SH3KBP1: variants seen among roughly 807,000 people sequenced by gnomAD.
The protein encoded by SH3KBP1 is SH3 domain-containing kinase-binding protein 1.
A neutral mutation model predicts 50.1 loss-of-function variants in SH3KBP1; 8 were observed. The observed-to-expected ratio is 0.16, with a 90% CI of 0.09 to 0.29. The LOEUF is 0.29. Among genes scored for constraint, SH3KBP1 ranks in the 10% least tolerant of loss-of-function variants. The pLI is 1.00. For missense variants in SH3KBP1, 377 were observed against 535.2 expected (o/e 0.70, Z 2.92); for synonymous variants, 227 against 218.6 (o/e 1.04, Z -0.34).
At chrX:19,815,274 T>C (rs753485584) in intron 2 of SH3KBP1, among the ~76,000 whole-genome samples, 1 of 111,588 alleles carries the variant, frequency 9.0e-6, no homozygotes, top group South Asian at 3.8e-4. Context: ...GCGATACTTG[T>C]GTGCTGCCAA....
At chrX:19,638,082 C>T (rs2061752630) in intron 7 of SH3KBP1, among the ~76,000 whole-genome samples, 1 of 102,102 alleles carries the variant, frequency 9.8e-6, no homozygotes, top group African/African-American at 3.7e-5. Context: ...ATCTCCAAAA[C>T]AAAACAAAAC....
intron 5 of SH3KBP1, among the ~76,000 whole-genome samples, chrX:19,686,548 T>C (rs772359543): frequency 1.2e-3 from 135 of 111,036 alleles, no homozygotes; most frequent in African/African-American, 3.8e-3. Context: ...CTTCCAGACA[T>C]GTGGCTGGTG....
intron 2 of SH3KBP1, among the ~76,000 whole-genome samples, chrX:19,763,113 C>T (rs2065482189): frequency 9.0e-6 from 1 of 111,671 alleles, no homozygotes; most frequent in Non-Finnish European, 1.9e-5. Flanking sequence ...CGATTACAAA[C>T]AACACTACAT....
chrX:19,648,804 ACCT>A lies in SH3KBP1; in HGVS notation c.727-3332_727-3330del, dbSNP rs953578647. 2.7e-5 allele frequency among the ~76,000 whole-genome samples: 3 copies of A among 110,874 alleles called. 1 individual carries two copies. The highest frequency in any genetic ancestry group is 3.3e-5 in the African/African-American group (1 of 30,500). ...CCTTTCCAAACATCCCTAGTTGAGA[ACCT>A]CTAGCCCCCGCCCTTCCCTACATAC... is the stretch of plus-strand genomic sequence containing the variant. On this transcript the variant is annotated intron_variant, in intron 6 of 17. Transcript: ENST00000397821.
At chrX:19,574,720 A>T (rs911875676) in intron 12 of SH3KBP1, among the ~76,000 whole-genome samples, 4 of 112,062 alleles carry the variant, frequency 3.6e-5, no homozygotes, top group African/African-American at 1.3e-4. Context: ...TGGGAGGGGG[A>T]GGTATAAACA....
intron 8 of SH3KBP1, among the ~76,000 whole-genome samples, chrX:19,613,232 C>T (rs1377647968): frequency 8.9e-6 from 1 of 112,213 alleles, no homozygotes; most frequent in Non-Finnish European, 1.9e-5. Flanking sequence ...AATTTGTTTC[C>T]AAATCTGGGG....
intron 14 of SH3KBP1, 71 bp downstream of exon 14, chrX:19,549,903 A>G: frequency 1.3e-6 from 1 of 797,942 alleles, no homozygotes; most frequent in Non-Finnish European, 1.8e-6. Context: ...GTCCTTAGCT[A>G]GAGTTTCTAA....
chrX:19,724,470 G>C (rs975380341), intron 3 of SH3KBP1, among the ~76,000 whole-genome samples: 1 of 112,179 alleles, frequency 8.9e-6, no homozygotes, highest in Non-Finnish European at 1.9e-5. Flanking sequence ...ATGGTCTGCC[G>C]CAGAGATCAG....
intron 5 of SH3KBP1, among the ~76,000 whole-genome samples, chrX:19,688,080 A>T (rs920421609): frequency 2.7e-5 from 3 of 112,461 alleles, no homozygotes; most frequent in Non-Finnish European, 3.8e-5. Flanking sequence ...TGTACAGCAC[A>T]AGCTTCTCTT....
rs186678708 is a variant in SH3KBP1 at position 19,664,189 on chromosome X, C to T, written c.727-18714G>A. 1.8e-3 allele frequency among the ~76,000 whole-genome samples: 205 copies of T among 111,685 alleles called. 2 individuals are homozygous for T. Among genetic ancestry groups the T allele is most frequent in the African/African-American group, 6.1e-3 (189 of 30,756 alleles). On this transcript the variant is annotated intron_variant, in intron 6 of 17. Coordinates refer to ENST00000397821, the MANE Select transcript of SH3KBP1 (RefSeq NM_031892.3). ...ACATAATATATCTCCTCATGGACTC[C>T]GTTTACTTGTCTCTCTCTACTGCAA...
At chrX:19,583,849 CAT>C (rs2066460804) in intron 12 of SH3KBP1, among the ~76,000 whole-genome samples, 1 of 100,295 alleles carries the variant, frequency 1.0e-5, no homozygotes, top group African/African-American at 3.6e-5. Context: ...TTTATTAACA[CAT>C]ATGTATATAT....
At chrX:19,546,616 C>G (rs2065090858) in intron 14 of SH3KBP1, among the ~76,000 whole-genome samples, 1 of 112,303 alleles carries the variant, frequency 8.9e-6, no homozygotes, top group African/African-American at 3.2e-5. Flanking sequence ...GCTCACCAGG[C>G]TTGTGGTCCA....
intron 1 of SH3KBP1, among the ~76,000 whole-genome samples, chrX:19,849,945 A>G (rs1468004756): frequency 9.0e-6 from 1 of 111,305 alleles, no homozygotes; most frequent in Non-Finnish European, 1.9e-5. Flanking sequence ...AATGCTCTAC[A>G]TGTGCAAGTA....
At chrX:19,775,976 A>C (rs947462814) in intron 2 of SH3KBP1, among the ~76,000 whole-genome samples, 6 of 111,173 alleles carry the variant, frequency 5.4e-5, no homozygotes, top group African/African-American at 2.0e-4. Context: ...AATTGCCAAG[A>C]ATAAGATGTT....
rs1228480962 is a variant in SH3KBP1 at position 19,670,978 on chromosome X, T to C, written c.726+12845A>G. 2.8e-6 allele frequency: 3 copies of C among 1,090,362 alleles called. No individual in the cohort carries two copies. The South Asian group carries it at 7.9e-5, about 29-fold the overall frequency. 89.9% of individuals were successfully genotyped at this position (1,090,362 alleles called of 1,213,427 possible). A position where few individuals can be genotyped will look rare whatever the true frequency, so the allele number is the denominator to read the frequency against. On this transcript the variant is annotated intron_variant, in intron 6 of 17. Transcript: ENST00000397821. The stretch of plus-strand genomic sequence containing the variant: ...GGAGCCTGAGGACCCAGCCTAACCC[T>C]GAGTCATACTTGGGACCAAATGAGG...
intron 5 of SH3KBP1, among the ~76,000 whole-genome samples, chrX:19,692,690 T>TA (rs1491492347): frequency 0.038 from 3,117 of 81,482 alleles, 96 homozygotes; most frequent in Admixed American, 0.084. Context: ...TATATATATA[T>TA]TTTTTTTTTT....
intron 9 of SH3KBP1, among the ~76,000 whole-genome samples, chrX:19,596,411 T>C (rs1009484823): frequency 8.9e-6 from 1 of 111,904 alleles, no homozygotes; most frequent in Non-Finnish European, 1.9e-5. Context: ...CTTCAGCGAG[T>C]TGTAAACTTT....
At chrX:19,658,383 C>T (rs1031838881) in intron 6 of SH3KBP1, among the ~76,000 whole-genome samples, 4 of 111,923 alleles carry the variant, frequency 3.6e-5, no homozygotes, top group East Asian at 2.8e-4. Context: ...ATCTCGCTAA[C>T]ACTAAATAGC....
intron 6 of SH3KBP1, among the ~76,000 whole-genome samples, chrX:19,657,326 G>A (rs2062305920): frequency 9.4e-6 from 1 of 106,050 alleles, no homozygotes; most frequent in Admixed American, 1.0e-4. Context: ...GTTGCAGTGA[G>A]CCCCGATCGT....
Sources: allele counts gnomAD v4.1 joint callset (sites outside exome capture counted in the v4.1 genomes callset), GRCh38; gene constraint gnomAD v4.1.1; transcripts MANE v1.5; gene names NCBI Gene and HGNC (gene_info 2026-07-23, HGNC 2026-07-21).